CTNNA2: variants seen among roughly 807,000 people sequenced by gnomAD.
CTNNA2 encodes catenin alpha 2, also known as catenin alpha-2.
A neutral mutation model predicts 101.0 loss-of-function variants in CTNNA2; 42 were observed. That is an observed-to-expected ratio of 0.42 (90% CI 0.32 to 0.54). The LOEUF is 0.54. CTNNA2 is among the 20% of genes least tolerant of loss of function. CTNNA2 has a pLI of 0.14. For synonymous variants in CTNNA2, 450 were observed against 456.4 expected (o/e 0.99, Z 0.18); for missense variants, 871 against 1,223.1 (o/e 0.71, Z 4.29).
chr2:79,643,631 C>G (rs1680603622), intron 1 of CTNNA2, among the ~76,000 whole-genome samples: 2 of 152,110 alleles, frequency 1.3e-5, no homozygotes, highest in Admixed American at 1.3e-4. Context: ...TGTATTACCA[C>G]TTAGTTTTTG....
intron 18 of CTNNA2, among the ~76,000 whole-genome samples, chr2:80,640,883 C>A (rs1217667017): frequency 1.4e-5 from 2 of 143,646 alleles, no homozygotes; most frequent in Admixed American, 1.4e-4. Flanking sequence ...TGTTTGCTTT[C>A]AATTTATTGC....
chr2:79,839,229 G>A (rs1048466022), intron 3 of CTNNA2, among the ~76,000 whole-genome samples: 1 of 151,892 alleles, frequency 6.6e-6, no homozygotes, highest in South Asian at 2.1e-4. Context: ...TATTCATTAT[G>A]TTGAATATAT....
chr2:79,722,782 G>A (rs2104872481), intron 2 of CTNNA2, among the ~76,000 whole-genome samples: 1 of 152,240 alleles, frequency 6.6e-6, no homozygotes, highest in Admixed American at 6.5e-5. Context: ...TGGTCCACAG[G>A]CAAAGTAGGT....
intron 4 of CTNNA2, among the ~76,000 whole-genome samples, chr2:79,398,752 G>T (rs1190766488): frequency 1.3e-5 from 2 of 150,478 alleles, no homozygotes; most frequent in East Asian, 3.9e-4. Flanking sequence ...AGGGATATTG[G>T]CCCCAAAAAA....
chr2:80,469,246 T>C (rs1053851698), intron 9 of CTNNA2, among the ~76,000 whole-genome samples: 5 of 152,194 alleles, frequency 3.3e-5, no homozygotes, highest in Admixed American at 2.6e-4. Flanking sequence ...CTTAGAAATA[T>C]CATAGAAACA....
At chr2:79,584,627 A>G (rs1002309723) in intron 1 of CTNNA2, among the ~76,000 whole-genome samples, 2 of 151,262 alleles carry the variant, frequency 1.3e-5, no homozygotes, top group Admixed American at 6.6e-5. Flanking sequence ...TAGGTTCAAG[A>G]GATTCTCCTT....
At chr2:80,537,014 A>G (rs190017344) in intron 9 of CTNNA2, among the ~76,000 whole-genome samples, 10 of 152,236 alleles carry the variant, frequency 6.6e-5, no homozygotes, top group Admixed American at 1.3e-4. Context: ...CCATCAACCC[A>G]TCATCTAGGT....
intron 7 of CTNNA2, among the ~76,000 whole-genome samples, chr2:80,046,101 T>C (rs1696504735): frequency 6.6e-6 from 1 of 152,186 alleles, no homozygotes; most frequent in Non-Finnish European, 1.5e-5. Flanking sequence ...CATTCTTATT[T>C]CCAAGACTTT....
At chr2:79,751,423 G>A (rs746231157) in intron 3 of CTNNA2, among the ~76,000 whole-genome samples, 17 of 151,770 alleles carry the variant, frequency 1.1e-4, no homozygotes, top group Non-Finnish European at 2.1e-4. Flanking sequence ...GTGAAACCCC[G>A]TCTCTACTAA....
At chr2:80,438,726 A>G (rs974759039) in intron 9 of CTNNA2, among the ~76,000 whole-genome samples, 3 of 152,112 alleles carry the variant, frequency 2.0e-5, no homozygotes, top group Admixed American at 6.5e-5. Flanking sequence ...AGATCCAACT[A>G]GTGATACTCC....
At chr2:80,037,283 A>G (rs1695727753) in intron 7 of CTNNA2, among the ~76,000 whole-genome samples, 1 of 152,158 alleles carries the variant, frequency 6.6e-6, no homozygotes, top group East Asian at 1.9e-4. Flanking sequence ...CTTATTTTTA[A>G]CACAATAAGG....
intron 7 of CTNNA2, among the ~76,000 whole-genome samples, chr2:80,146,876 C>A (rs1045149591): frequency 6.0e-5 from 9 of 150,422 alleles, no homozygotes; most frequent in African/African-American, 1.2e-4. Context: ...AGGTTCCCAC[C>A]AAAGTAACTG....
At chr2:80,470,648 C>T (rs12614770) in intron 9 of CTNNA2, among the ~76,000 whole-genome samples, 44,074 of 152,012 alleles carry the variant, frequency 0.29, 7,322 homozygotes, top group East Asian at 0.66. Flanking sequence ...TGAATACCTA[C>T]TGTGCGCTAG....
chr2:80,634,765 A>G (rs1381495898), intron 18 of CTNNA2, among the ~76,000 whole-genome samples: 1 of 152,148 alleles, frequency 6.6e-6, no homozygotes, highest in Non-Finnish European at 1.5e-5. Flanking sequence ...AGATCAAGTA[A>G]TAGATATGTT....
chr2:79,759,998 C>A (rs184510618), intron 3 of CTNNA2, among the ~76,000 whole-genome samples: 1 of 152,066 alleles, frequency 6.6e-6, no homozygotes, highest in African/African-American at 2.4e-5. Flanking sequence ...CATTTTAAGG[C>A]GGTATAGCAT....
intron 7 of CTNNA2, among the ~76,000 whole-genome samples, chr2:79,922,481 A>G (rs983661011): frequency 5.9e-5 from 9 of 152,114 alleles, no homozygotes; most frequent in Admixed American, 5.2e-4. Context: ...AGAAAATTAA[A>G]GAGATGCTGA....
intron 3 of CTNNA2, among the ~76,000 whole-genome samples, chr2:79,347,691 A>G (rs1298538047): frequency 6.6e-6 from 1 of 152,138 alleles, no homozygotes; most frequent in Non-Finnish European, 1.5e-5. Flanking sequence ...TTTAAATGCC[A>G]TAATGAGGAT....
intron 3 of CTNNA2, among the ~76,000 whole-genome samples, chr2:79,342,631 A>G (rs1042146153): frequency 6.6e-6 from 1 of 152,214 alleles, no homozygotes; most frequent in Admixed American, 6.5e-5. Context: ...GAAGATTTTC[A>G]TCAGAATGAT....
chr2:79,809,616 G>T (rs1301880418), intron 3 of CTNNA2, among the ~76,000 whole-genome samples: 1 of 152,056 alleles, frequency 6.6e-6, no homozygotes, highest in Non-Finnish European at 1.5e-5. Context: ...CATATCCTTT[G>T]CCCATCTTTT....
Sources: gnomAD v4.1 joint callset for allele counts (sites outside exome capture counted in the v4.1 genomes callset) on GRCh38, gnomAD v4.1.1 for gene constraint, MANE v1.5 for transcripts, NCBI Gene and HGNC (gene_info 2026-07-23, HGNC 2026-07-21) for gene names.